G6PD: variants seen among roughly 807,000 people sequenced by gnomAD.
G6PD encodes the protein glucose-6-phosphate dehydrogenase, also known as glucose-6-phosphate 1-dehydrogenase.
A neutral mutation model predicts 38.2 loss-of-function variants in G6PD; 2 were observed. The observed-to-expected ratio is 0.05, with a 90% confidence interval of 0.02 to 0.16. The LOEUF (loss-of-function observed/expected upper bound fraction) is 0.16, where lower values mean the gene tolerates loss of function less well. G6PD is among the 10% of genes least tolerant of loss of function. The pLI is 1.00. For synonymous variants in G6PD, 188 were observed against 196.0 expected, an observed-to-expected ratio of 0.96 and a Z score of 0.34; for missense variants, 310 against 471.6, an observed-to-expected ratio of 0.66 and a Z score of 3.17.
At chrX:154,545,266 G>A (rs1227344518) in intron 2 of G6PD, among the ~76,000 whole-genome samples, 1 of 111,686 alleles carries the variant, frequency 9.0e-6, no homozygotes, top group African/African-American at 3.3e-5. Context: ...GTGAGGCAGA[G>A]CTCCTTGGTA....
chrX:154,546,212 G>C (rs782625635), intron 1 of G6PD, 49 bp from the exon 2 acceptor site: 20 of 1,201,364 alleles, frequency 1.7e-5, no homozygotes, highest in Non-Finnish European at 2.2e-5. Flanking sequence ...GGAGAGCATT[G>C]AGAAGTTAGC....
chrX:154,541,611 T>C (rs190165081), intron 2 of G6PD, among the ~76,000 whole-genome samples: 1 of 111,492 alleles, frequency 9.0e-6, no homozygotes, highest in Admixed American at 9.5e-5. Context: ...TCGTGCCATG[T>C]GGGTGGGGGC....
At chrX:154,535,858 G>A (rs1429593387) in intron 4 of G6PD, 79 bp downstream of exon 4, 5 of 806,722 alleles carry the variant, frequency 6.2e-6, no homozygotes, top group Non-Finnish European at 9.3e-6. Flanking sequence ...TGGGATGGGG[G>A]GAGGTCCCCG....
chrX:154,533,343 C>G, intron 8 of G6PD: 1 of 501,921 alleles, frequency 2.0e-6, no homozygotes, highest in Non-Finnish European at 3.3e-6. Context: ...AGCTGAGGCC[C>G]AGAGAGGCAA....
intron 2 of G6PD, among the ~76,000 whole-genome samples, chrX:154,539,444 C>T (rs782116498): frequency 6.3e-5 from 7 of 111,486 alleles, no homozygotes; most frequent in East Asian, 2.8e-4. Context: ...GGGGAGATGA[C>T]GATGGCCTTT....
intron 5 of G6PD, 67 bp from the exon 6 acceptor site, chrX:154,534,563 A>G: frequency 8.5e-7 from 1 of 1,175,027 alleles, no homozygotes; most frequent in Middle Eastern, 2.5e-4. Flanking sequence ...TCAGAGCTGC[A>G]TCATTCAGAC....
rs200422982 is a variant in G6PD at position 154,534,181 on chromosome X, G to T, written c.645-21C>A. On this transcript the variant is annotated intron_variant, in intron 6 of 12. Transcript: ENST00000393562. Reference sequence around the variant, plus strand: ...CAAATCTGCAGGGAGGGGCAAGGTGGAGGAACTGACCTTGGGCCTCTGTGG... The same window carrying T: ...CAAATCTGCAGGGAGGGGCAAGGTGTAGGAACTGACCTTGGGCCTCTGTGG... 7 of 1,210,201 alleles carry T rather than the reference G, an allele frequency of 5.8e-6. No individual in the cohort carries two copies. The Admixed American group carries it at 1.5e-4, about 26-fold the overall frequency.
intron 2 of G6PD, 152 bp from the exon 3 acceptor site, chrX:154,536,330 C>A: frequency 1.9e-6 from 1 of 527,542 alleles, no homozygotes; most frequent in South Asian, 3.0e-5. Context: ...AGAAGAGCCC[C>A]GAGATTCAAG....
Position 154,546,771 on chromosome X carries a change from G to T in G6PD, c.-9+18C>A. 2 of 1,143,550 alleles carry T rather than the reference G, an allele frequency of 1.7e-6. No individual in the cohort carries two copies. Among genetic ancestry groups the T allele is most frequent in the Non-Finnish European group, 1.2e-6 (1 of 859,466 alleles). 94.2% of individuals were successfully genotyped at this position (1,143,550 alleles called of 1,213,427 possible). On this transcript the variant is annotated intron_variant, in intron 1 of 12. Coordinates refer to ENST00000393562, the MANE Select transcript of G6PD (RefSeq NM_001360016.2). ...CAGTACGCTCCTCCGCCTGCGCGGC[G>T]CCCGCCCGGCCGGTTACCTGCGCTT...
upstream of G6PD, chrX:154,547,541 C>T: frequency 1.3e-6 from 1 of 754,935 alleles, no homozygotes; most frequent in Non-Finnish European, 1.6e-6. Context: ...CTACCGCGGC[C>T]TCACACTTCT....
intron 2 of G6PD, among the ~76,000 whole-genome samples, chrX:154,539,159 C>T (rs2070444320): frequency 9.0e-6 from 1 of 111,479 alleles, no homozygotes. Flanking sequence ...GTGACCTGGC[C>T]GTTCCACCCC....
intron 2 of G6PD, among the ~76,000 whole-genome samples, chrX:154,537,838 T>C (rs888465659): frequency 9.0e-6 from 1 of 111,407 alleles, no homozygotes; most frequent in Non-Finnish European, 1.9e-5. Context: ...GGAAACCTGA[T>C]GAGAAAGGCA....
At chrX:154,539,862 C>T (rs2070459450) in intron 2 of G6PD, among the ~76,000 whole-genome samples, 1 of 109,775 alleles carries the variant, frequency 9.1e-6, no homozygotes, top group Admixed American at 9.7e-5. Context: ...AGCTGGGACT[C>T]CAGGCACCTG....
intron 6 of G6PD, 60 bp from the exon 7 acceptor site, chrX:154,534,220 T>C: frequency 1.7e-6 from 2 of 1,205,979 alleles, no homozygotes; most frequent in African/African-American, 1.7e-5. Flanking sequence ...AGGGGCCACA[T>C]GTGAGGGGTC....
chrX:154,532,317 A>AC (rs782135731), intron 11 of G6PD, 37 bp from the exon 12 acceptor site: 1 of 1,209,922 alleles, frequency 8.3e-7, no homozygotes. Flanking sequence ...GGCCGGTGGC[A>AC]CACAGGGAGG....
intron 2 of G6PD, among the ~76,000 whole-genome samples, chrX:154,543,490 G>A (rs2070585871): frequency 8.9e-6 from 1 of 112,146 alleles, no homozygotes; most frequent in Admixed American, 9.5e-5. Context: ...TCAATGAGGT[G>A]TCTAATAAGA....
upstream of G6PD, chrX:154,546,846 CG>C (rs782230848): frequency 5.3e-6 from 6 of 1,133,148 alleles, no homozygotes; most frequent in Admixed American, 2.7e-5. Context: ...CGACCGTTTC[CG>C]GGGGCTGAGC....
chrX:154,533,371 A>G, intron 8 of G6PD: 1 of 509,195 alleles, frequency 2.0e-6, no homozygotes, highest in Non-Finnish European at 3.2e-6. Context: ...CCCTGGTCAC[A>G]TAGTGACTGT....
chrX:154,546,876 C>CGGCGGGGGCGGG, upstream of G6PD: 6 of 1,071,639 alleles, frequency 5.6e-6, no homozygotes, highest in Non-Finnish European at 7.3e-6. Context: ...CCCATTTAAT[C>CGGCGGGGGCGGG]GGCGGGGGCG....
Sources: gnomAD v4.1 joint callset for allele counts (sites outside exome capture counted in the v4.1 genomes callset) on GRCh38, gnomAD v4.1.1 for gene constraint, MANE v1.5 for transcripts, NCBI Gene and HGNC (gene_info 2026-07-23, HGNC 2026-07-21) for gene names.